VPS26A: variants seen among roughly 807,000 people sequenced by gnomAD.
VPS26A encodes the protein VPS26 retromer complex component A, also known as vacuolar protein sorting-associated protein 26A.
VPS26A carries 22 observed loss-of-function variants against 42.4 expected under a neutral mutation model. The observed-to-expected ratio is 0.52, with a 90% CI of 0.37 to 0.74. VPS26A has a LOEUF of 0.74. Ranked by LOEUF, VPS26A falls within the 30% of genes least tolerant of loss-of-function variation. VPS26A has a pLI of 0.00. For synonymous variants in VPS26A, 110 were observed against 123.5 expected, an observed-to-expected ratio of 0.89 and a Z score of 0.73; for missense variants, 276 against 379.2, an observed-to-expected ratio of 0.73 and a Z score of 2.26.
intron 1 of VPS26A, among the ~76,000 whole-genome samples, chr10:69,130,054 T>G (rs931113805): frequency 2.0e-5 from 3 of 152,226 alleles, no homozygotes; most frequent in African/African-American, 7.2e-5. Context: ...TTGATATAGT[T>G]TGCTACTATA....
In VPS26A at chr10:69,173,447, C is replaced by A. The variant is rs1841861737; in HGVS notation, c.*2178C>A. ...ACCAGCCTGGCCAACAAAAATGAGA[C>A]CCTATCTCTACAAAAAAATTAACAA... is the stretch of plus-strand genomic sequence containing the variant. On this transcript the variant is annotated 3_prime_UTR_variant, in exon 9 of 9. Transcript: ENST00000263559. Among the ~76,000 whole-genome samples, 1 of 151,678 alleles carries A rather than the reference C, an allele frequency of 6.6e-6. No homozygotes were observed. The highest frequency in any genetic ancestry group is 2.0e-4 in the East Asian group (1 of 5,090).
intron 2 of VPS26A, among the ~76,000 whole-genome samples, chr10:69,149,750 T>TTTG (rs1841255168): frequency 2.4e-5 from 2 of 84,088 alleles, no homozygotes; most frequent in African/African-American, 3.4e-5. Flanking sequence ...TTTTTTTTTT[T>TTTG]TTTTTTTTTT....
intron 1 of VPS26A, among the ~76,000 whole-genome samples, chr10:69,128,283 G>GT (rs1840704613): frequency 6.8e-6 from 1 of 147,328 alleles, no homozygotes; most frequent in South Asian, 2.1e-4. Context: ...CCAGGCTGGA[G>GT]TGCAGTGGCA....
chr10:69,159,684 C>A (rs1233626169), intron 5 of VPS26A, among the ~76,000 whole-genome samples: 1 of 152,122 alleles, frequency 6.6e-6, no homozygotes, highest in Non-Finnish European at 1.5e-5. Flanking sequence ...AGTTATATAT[C>A]ATTCTAAATA....
Position 69,149,727 on chromosome 10 carries a change from G to GTTTTTTT in VPS26A, c.154-6079_154-6078insTTTTTTT, listed in dbSNP as rs151136046. On this transcript the variant is annotated intron_variant, in intron 2 of 8. Transcript: ENST00000263559. ...ACCATGGAATGTTAACTTTCTTGGT[G>GTTTTTTT]TTTTTTGTTTTTTTTTTTTTTTTTT... Among the ~76,000 whole-genome samples the GTTTTTTT allele has an allele frequency of 1.1e-3, 102 of 93,942 alleles. 9 individuals are homozygous for GTTTTTTT. The highest frequency in any genetic ancestry group is 4.2e-3 in the African/African-American group (86 of 20,572). 61.6% of individuals were successfully genotyped at this position (93,942 alleles called of 152,430 possible).
chr10:69,170,131 T>G (rs1841784919), intron 8 of VPS26A: 1 of 152,222 alleles, frequency 6.6e-6, no homozygotes, highest in Non-Finnish European at 1.5e-5. Flanking sequence ...AAAACTACCT[T>G]TTATAAACAT....
At chr10:69,168,386 A>G in intron 7 of VPS26A, 103 bp from the exon 8 acceptor site, 1 of 1,223,872 alleles carries the variant, frequency 8.2e-7, no homozygotes. Context: ...GCATCTCATG[A>G]GGATGTGAAG....
At chr10:69,153,067 C>T (rs1470388143) in intron 2 of VPS26A, among the ~76,000 whole-genome samples, 2 of 144,480 alleles carry the variant, frequency 1.4e-5, no homozygotes, top group African/African-American at 2.6e-5. Context: ...TTTCGGTTGG[C>T]GGGTACAGGG....
At chr10:69,138,909 A>G (rs1460762552) in intron 2 of VPS26A, among the ~76,000 whole-genome samples, 1 of 152,204 alleles carries the variant, frequency 6.6e-6, no homozygotes, top group Non-Finnish European at 1.5e-5. Flanking sequence ...ACCACTATCA[A>G]TATGATTATG....
At chr10:69,145,761 T>G (rs992871105) in intron 2 of VPS26A, among the ~76,000 whole-genome samples, 1 of 151,624 alleles carries the variant, frequency 6.6e-6, no homozygotes, top group Non-Finnish European at 1.5e-5. Flanking sequence ...TGAGTTATAA[T>G]TCACATGCCA....
chr10:69,161,560 T>C, intron 5 of VPS26A: 1 of 231,694 alleles, frequency 4.3e-6, no homozygotes, highest in Non-Finnish European at 9.0e-6. Context: ...TCTGATGACA[T>C]CCTGGCCTGA....
chr10:69,127,093 A>ATTTTTTTTTTTTTTTTT (rs71035057), intron 1 of VPS26A, among the ~76,000 whole-genome samples: 105 of 97,548 alleles, frequency 1.1e-3, no homozygotes, highest in Non-Finnish European at 1.4e-3. Context: ...CACCCGGCCA[A>ATTTTTTTTTTTTTTTTT]TTTTTTTTTT....
rs532987166 is a variant in VPS26A at position 69,173,632 on chromosome 10, ACT to A, written c.*2366_*2367del. Among the ~76,000 whole-genome samples, 385 of 152,268 alleles carry A rather than the reference ACT, an allele frequency of 2.5e-3. 1 individual carries two copies. In the Middle Eastern group the frequency reaches 0.048, roughly 19 times the overall value. On this transcript the variant is annotated 3_prime_UTR_variant, in exon 9 of 9. Coordinates refer to ENST00000263559, the MANE Select transcript of VPS26A (RefSeq NM_004896.5). ...GGGATTGTAGAATGCACCAATCAACACTCTAGCTAGGATTGTAAAACGCACTC... is the reference window on the plus strand; with the variant it reads ...GGGATTGTAGAATGCACCAATCAACACTAGCTAGGATTGTAAAACGCACTC...
At chr10:69,134,971 A>G (rs764630854) in intron 2 of VPS26A, among the ~76,000 whole-genome samples, 22 of 152,132 alleles carry the variant, frequency 1.4e-4, no homozygotes, top group Non-Finnish European at 2.4e-4. Context: ...AGAAGAGCAG[A>G]CAATCATCAA....
At chr10:69,167,811 C>A (rs1036760373) in intron 7 of VPS26A, among the ~76,000 whole-genome samples, 1 of 148,638 alleles carries the variant, frequency 6.7e-6, no homozygotes, top group South Asian at 2.1e-4. Flanking sequence ...CAATGAGAAT[C>A]TGAATAACAG....
chr10:69,132,037 A>T (rs902389644), intron 1 of VPS26A, among the ~76,000 whole-genome samples: 1 of 152,202 alleles, frequency 6.6e-6, no homozygotes, highest in African/African-American at 2.4e-5. Flanking sequence ...ATTTTCCTTC[A>T]TTATAGCCAG....
chr10:69,137,811 T>C (rs1413236995), intron 2 of VPS26A, among the ~76,000 whole-genome samples: 1 of 151,824 alleles, frequency 6.6e-6, no homozygotes, highest in Non-Finnish European at 1.5e-5. Flanking sequence ...TATTGACTCT[T>C]ATGAAAGGAC....
At chr10:69,165,800 A>G (rs1841672997) in intron 6 of VPS26A, among the ~76,000 whole-genome samples, 1 of 150,786 alleles carries the variant, frequency 6.6e-6, no homozygotes, top group Non-Finnish European at 1.5e-5. Flanking sequence ...AAAATAAAAA[A>G]ACAGGCATGG....
chr10:69,124,681 A>C (rs1410908895), intron 1 of VPS26A, among the ~76,000 whole-genome samples: 2 of 151,466 alleles, frequency 1.3e-5, no homozygotes, highest in Non-Finnish European at 2.9e-5. Flanking sequence ...GGAGCCCCCC[A>C]CCTCCGGACT....
Sources: gnomAD v4.1 joint callset for allele counts (sites outside exome capture counted in the v4.1 genomes callset) on GRCh38, gnomAD v4.1.1 for gene constraint, MANE v1.5 for transcripts, NCBI Gene and HGNC (gene_info 2026-07-23, HGNC 2026-07-21) for gene names.